Variants in MAGI2 observed in about 807,000 individuals in gnomAD.
MAGI2 encodes the protein membrane associated guanylate kinase, WW and PDZ domain containing 2, also known as membrane-associated guanylate kinase, WW and PDZ domain-containing protein 2.
MAGI2 carries 35 observed loss-of-function variants against 133.3 expected under a neutral mutation model. The observed-to-expected ratio is 0.26, with a 90% CI of 0.20 to 0.35. The LOEUF (loss-of-function observed/expected upper bound fraction) is 0.35. MAGI2 is among the 10% of genes least tolerant of loss of function. The pLI, the probability that MAGI2 is intolerant of heterozygous loss-of-function variation, is 1.00. For synonymous variants in MAGI2, 729 were observed against 710.6 expected (o/e 1.03, Z -0.41); for missense variants, 1,636 against 1,863.4 (o/e 0.88, Z 2.25).
chr7:79,313,350 CAGCT>C (rs947134499), intron 1 of MAGI2, among the ~76,000 whole-genome samples: 1 of 152,112 alleles, frequency 6.6e-6, no homozygotes, highest in African/African-American at 2.4e-5. Flanking sequence ...TCCTTGTTCA[CAGCT>C]ATATGTCCAG....
intron 21 of MAGI2, among the ~76,000 whole-genome samples, chr7:78,077,318 G>A (rs769917561): frequency 3.3e-5 from 5 of 151,930 alleles, no homozygotes; most frequent in Admixed American, 6.6e-5. Context: ...GAGTGCAAAA[G>A]GTTATTCTAT....
intron 2 of MAGI2, among the ~76,000 whole-genome samples, chr7:78,649,219 T>G: frequency 2.0e-4 from 1 of 5,050 alleles, no homozygotes; most frequent in African/African-American, 2.3e-3. Context: ...GGATGACTTG[T>G]GGTAAAAAAA....
At chr7:78,522,175 C>T (rs901944997) in intron 3 of MAGI2, among the ~76,000 whole-genome samples, 1 of 152,142 alleles carries the variant, frequency 6.6e-6, no homozygotes, top group Non-Finnish European at 1.5e-5. Context: ...GTTCCCATGG[C>T]TGCTGACAGT....
intron 16 of MAGI2, among the ~76,000 whole-genome samples, chr7:78,139,501 G>A (rs889746783): frequency 6.6e-6 from 1 of 152,204 alleles, no homozygotes; most frequent in Non-Finnish European, 1.5e-5. Flanking sequence ...TACAGAGCAA[G>A]GAAGAGGCCC....
At chr7:79,270,494 T>G (rs1375233474) in intron 1 of MAGI2, among the ~76,000 whole-genome samples, 2 of 152,208 alleles carry the variant, frequency 1.3e-5, no homozygotes, top group Admixed American at 1.3e-4. Context: ...ATTATAACTT[T>G]TCTCAATCAT....
At chr7:79,315,546 T>C (rs913114657) in intron 1 of MAGI2, among the ~76,000 whole-genome samples, 2 of 151,914 alleles carry the variant, frequency 1.3e-5, no homozygotes, top group Non-Finnish European at 2.9e-5. Flanking sequence ...GTTAGATAAT[T>C]TGGTGGGTAA....
At chr7:78,854,084 A>G (rs1171885658) in intron 2 of MAGI2, among the ~76,000 whole-genome samples, 1 of 152,148 alleles carries the variant, frequency 6.6e-6, no homozygotes, top group African/African-American at 2.4e-5. Context: ...TGTCAGATAC[A>G]TTTAGTGAAA....
intron 10 of MAGI2, among the ~76,000 whole-genome samples, chr7:78,228,277 C>T (rs1227032166): frequency 6.6e-6 from 1 of 152,192 alleles, no homozygotes; most frequent in African/African-American, 2.4e-5. Flanking sequence ...TCACTGTTTC[C>T]TAAGTTGCGG....
At chr7:78,957,068 A>G (rs1377444994) in intron 2 of MAGI2, among the ~76,000 whole-genome samples, 2 of 152,084 alleles carry the variant, frequency 1.3e-5, no homozygotes, top group Non-Finnish European at 2.9e-5. Context: ...GTTCGAGATC[A>G]GCCTGACCAA....
chr7:78,572,204 T>C (rs1382444479), intron 3 of MAGI2, among the ~76,000 whole-genome samples: 1 of 152,214 alleles, frequency 6.6e-6, no homozygotes, highest in African/African-American at 2.4e-5. Context: ...CGTTCATGTT[T>C]CTTTTACTAA....
At chr7:78,610,372 C>T (rs191200530) in intron 3 of MAGI2, among the ~76,000 whole-genome samples, 2 of 152,052 alleles carry the variant, frequency 1.3e-5, no homozygotes, top group Non-Finnish European at 2.9e-5. Context: ...GACAGAAAAC[C>T]ATCACTACAT....
At chr7:79,027,326 T>TTA (rs917472336) in intron 1 of MAGI2, among the ~76,000 whole-genome samples, 2 of 149,692 alleles carry the variant, frequency 1.3e-5, no homozygotes, top group African/African-American at 2.4e-5. Flanking sequence ...AAAGAAAATA[T>TTA]TATATATATA....
At chr7:78,729,756 G>A (rs1282156163) in intron 2 of MAGI2, among the ~76,000 whole-genome samples, 1 of 152,124 alleles carries the variant, frequency 6.6e-6, no homozygotes, top group Non-Finnish European at 1.5e-5. Context: ...AACATACATT[G>A]GTTTGGTAGT....
chr7:79,343,620 G>A (rs1841076607), intron 1 of MAGI2, among the ~76,000 whole-genome samples: 1 of 150,794 alleles, frequency 6.6e-6, no homozygotes, highest in Non-Finnish European at 1.5e-5. Flanking sequence ...TATATATTCT[G>A]TTAAAAAAAT....
chr7:78,463,722 C>T (rs968562997), intron 6 of MAGI2, among the ~76,000 whole-genome samples: 11 of 152,158 alleles, frequency 7.2e-5, no homozygotes, highest in Admixed American at 6.5e-5. Flanking sequence ...CAAGGAAAGG[C>T]TTCCGTTTAG....
intron 2 of MAGI2, among the ~76,000 whole-genome samples, chr7:78,933,809 G>T (rs187843197): frequency 6.6e-6 from 1 of 152,136 alleles, no homozygotes; most frequent in South Asian, 2.1e-4. Flanking sequence ...AGAGAGACTC[G>T]TAAGACAAAA....
chr7:78,677,119 A>G (rs1281248915), intron 2 of MAGI2, among the ~76,000 whole-genome samples: 3 of 152,140 alleles, frequency 2.0e-5, no homozygotes, highest in African/African-American at 7.2e-5. Context: ...TGACAGGAAA[A>G]TGTAAGTTGA....
chr7:78,803,576 A>G (rs1167791890), intron 2 of MAGI2, among the ~76,000 whole-genome samples: 1 of 152,056 alleles, frequency 6.6e-6, no homozygotes, highest in Non-Finnish European at 1.5e-5. Context: ...CCTTGAACTG[A>G]TTTCCTGTTT....
At chr7:79,289,717 T>C (rs999499011) in intron 1 of MAGI2, among the ~76,000 whole-genome samples, 6 of 152,162 alleles carry the variant, frequency 3.9e-5, no homozygotes, top group African/African-American at 1.4e-4. Context: ...ATAATCTCAC[T>C]AGAAAATTGA....
Sources: allele counts gnomAD v4.1 joint callset (sites outside exome capture counted in the v4.1 genomes callset), GRCh38; gene constraint gnomAD v4.1.1; transcripts MANE v1.5; gene names NCBI Gene and HGNC (gene_info 2026-07-23, HGNC 2026-07-21).